The following DISC1 variants were observed in gnomAD, a reference collection of about 807,000 sequenced individuals.
DISC1 encodes DISC1 scaffold protein.
Under a neutral mutation model 84.5 loss-of-function variants are expected in DISC1, and 57 were observed. That is an observed-to-expected ratio of 0.67 (90% CI 0.55 to 0.84). The LOEUF (loss-of-function observed/expected upper bound fraction) is 0.84, where lower values mean the gene tolerates loss of function less well. Ranked by LOEUF, DISC1 falls within the 40% of genes least tolerant of loss-of-function variation. The probability of loss-of-function intolerance (pLI) is 0.00; values close to 1 mark genes in which losing one functional copy is unlikely to be tolerated. For synonymous variants in DISC1, 411 were observed against 415.2 expected (o/e 0.99, Z 0.12); for missense variants, 1,000 against 1,057.8 (o/e 0.95, Z 0.76).
intron 1 of DISC1, among the ~76,000 whole-genome samples, chr1:231,676,696 A>G (rs568968676): frequency 6.6e-5 from 10 of 152,330 alleles, no homozygotes; most frequent in African/African-American, 2.4e-4. Context: ...CTTCAGTGTA[A>G]TAAGTGAATT....
chr1:231,727,616 A>G (rs536218354), intron 3 of DISC1, among the ~76,000 whole-genome samples: 1 of 152,310 alleles, frequency 6.6e-6, no homozygotes, highest in East Asian at 1.9e-4. Flanking sequence ...AGAAGCAATT[A>G]AACCCATGAC....
chr1:231,693,750 A>T (rs952437000), intron 1 of DISC1, 76 bp from the exon 2 acceptor site: 1 of 1,605,360 alleles, frequency 6.2e-7, no homozygotes, highest in Non-Finnish European at 8.5e-7. Context: ...AAACCTAGGG[A>T]TGTTCTCCAG....
chr1:231,827,444 T>A (rs534255132), intron 9 of DISC1, among the ~76,000 whole-genome samples: 28 of 152,336 alleles, frequency 1.8e-4, no homozygotes, highest in African/African-American at 6.0e-4. Context: ...AGTGATTAAT[T>A]TGGTAAGAAA....
At chr1:231,818,870 T>C (rs1467865524) in intron 9 of DISC1, 2 of 1,092,390 alleles carry the variant, frequency 1.8e-6, no homozygotes, top group South Asian at 5.6e-5. Flanking sequence ...TCCGTCTCCT[T>C]GTCTGCACAA....
At chr1:231,747,355 C>G (rs749728511) in intron 3 of DISC1, among the ~76,000 whole-genome samples, 1 of 152,078 alleles carries the variant, frequency 6.6e-6, no homozygotes, top group Non-Finnish European at 1.5e-5. Context: ...AGGCTCATGT[C>G]CTCTGTTTTC....
chr1:231,818,840 T>C, intron 9 of DISC1: 1 of 1,140,496 alleles, frequency 8.8e-7, no homozygotes, highest in East Asian at 5.8e-5. Flanking sequence ...GTGACAATTA[T>C]CTTCCTTTTG....
chr1:232,041,179 G>C lies in DISC1; in HGVS notation c.*4348G>C, dbSNP rs1321301519. 3.3e-5 allele frequency: 5 copies of C among 152,172 alleles called. No individual in the cohort carries two copies. Among genetic ancestry groups the C allele is most frequent in the Non-Finnish European group, 7.4e-5 (5 of 68,020 alleles). The allele number at this position is 152,172 out of a possible 1,614,324, so 9.4% of individuals were successfully genotyped here. ...TTTGAAGTATGGATGATAGAAAAAT[G>C]TATCAGGTTTATTCATCTCATCTTT... is the stretch of plus-strand genomic sequence containing the variant. On this transcript the variant is annotated 3_prime_UTR_variant, in exon 13 of 13. Coordinates refer to ENST00000439617, the MANE Select transcript of DISC1 (RefSeq NM_018662.3).
rs1281166551 is a variant in DISC1, at chr1:232,040,881, C to G, written c.*4050C>G. 6.6e-6 allele frequency: 1 copy of G among 152,262 alleles called. No homozygotes were observed. The highest frequency in any genetic ancestry group is 1.5e-5 in the Non-Finnish European group (1 of 68,072). The allele number at this position is 152,262 out of a possible 1,614,324, so 9.4% of individuals were successfully genotyped here. A position where few individuals can be genotyped will look rare whatever the true frequency, so the allele number is the denominator to read the frequency against. ...CCCAGGAAAACCACTCACAGCCTGA[C>G]ACTGGGCTGACTTTCTTGAAGATCC... is the stretch of plus-strand genomic sequence containing the variant. On this transcript the variant is annotated 3_prime_UTR_variant, in exon 13 of 13. Coordinates refer to ENST00000439617, the MANE Select transcript of DISC1 (RefSeq NM_018662.3).
At chr1:232,025,160 T>C (rs750370607) in intron 11 of DISC1, among the ~76,000 whole-genome samples, 33 of 152,156 alleles carry the variant, frequency 2.2e-4, no homozygotes, top group Non-Finnish European at 3.8e-4. Context: ...ACAGAACTTA[T>C]CAGAATGGTT....
At chr1:231,737,967 C>T (rs962755409) in intron 3 of DISC1, among the ~76,000 whole-genome samples, 7 of 152,232 alleles carry the variant, frequency 4.6e-5, no homozygotes, top group Non-Finnish European at 8.8e-5. Context: ...AAGCCATCCT[C>T]CCACCTCAGC....
At chr1:231,808,688 T>C (rs2079963077) in intron 8 of DISC1, among the ~76,000 whole-genome samples, 1 of 152,242 alleles carries the variant, frequency 6.6e-6, no homozygotes, top group Non-Finnish European at 1.5e-5. Context: ...GACCAGGGGC[T>C]CCTCGCCTGG....
chr1:231,867,550 T>A (rs2085150897), intron 9 of DISC1, among the ~76,000 whole-genome samples: 1 of 152,124 alleles, frequency 6.6e-6, no homozygotes, highest in Admixed American at 6.5e-5. Context: ...TGCTCTTAAT[T>A]AATTAGGCTG....
chr1:231,852,336 T>C (rs1410317249), intron 9 of DISC1, among the ~76,000 whole-genome samples: 1 of 152,246 alleles, frequency 6.6e-6, no homozygotes, highest in African/African-American at 2.4e-5. Flanking sequence ...TCTCAGGTTT[T>C]AGATGTGGAA....
chr1:231,736,459 C>T (rs552178356), intron 3 of DISC1, among the ~76,000 whole-genome samples: 1 of 152,318 alleles, frequency 6.6e-6, no homozygotes, highest in South Asian at 2.1e-4. Flanking sequence ...TATTCTTACT[C>T]TGCAAAGTGT....
At chr1:231,829,700 A>G (rs1294961000) in intron 9 of DISC1, among the ~76,000 whole-genome samples, 1 of 152,188 alleles carries the variant, frequency 6.6e-6, no homozygotes, top group Admixed American at 6.5e-5. Flanking sequence ...AGAGACACCA[A>G]ACAGGCTTTG....
At chr1:231,707,936 C>G (rs1040652272) in intron 3 of DISC1, among the ~76,000 whole-genome samples, 1 of 152,182 alleles carries the variant, frequency 6.6e-6, no homozygotes, top group Non-Finnish European at 1.5e-5. Context: ...TGCTGGAATT[C>G]TGAAAACCAA....
intron 3 of DISC1, among the ~76,000 whole-genome samples, chr1:231,729,110 A>G (rs2125162131): frequency 6.6e-6 from 1 of 151,908 alleles, no homozygotes; most frequent in East Asian, 1.9e-4. Context: ...TTTGTCCTTG[A>G]GATAGTTTGC....
At chr1:231,635,762 CTATA>C (rs2059137184) in intron 1 of DISC1, among the ~76,000 whole-genome samples, 1 of 152,116 alleles carries the variant, frequency 6.6e-6, no homozygotes, top group South Asian at 2.1e-4. Context: ...GATGCATACA[CTATA>C]TAGTCAGATA....
At chr1:231,887,158 C>G (rs1306820646) in intron 9 of DISC1, among the ~76,000 whole-genome samples, 2 of 152,098 alleles carry the variant, frequency 1.3e-5, no homozygotes, top group African/African-American at 4.8e-5. Flanking sequence ...CCGTGCCTGG[C>G]CCAGACCTGA....
Sources: gnomAD v4.1 joint callset for allele counts (sites outside exome capture counted in the v4.1 genomes callset) on GRCh38, gnomAD v4.1.1 for gene constraint, MANE v1.5 for transcripts, NCBI Gene and HGNC (gene_info 2026-07-23, HGNC 2026-07-21) for gene names.